SKAP2: variants seen among roughly 807,000 people sequenced by gnomAD.
SKAP2 encodes the protein src kinase associated phosphoprotein 2.
SKAP2 carries 28 observed loss-of-function variants against 54.9 expected under a neutral mutation model. The observed-to-expected ratio is 0.51, with a 90% CI of 0.38 to 0.70. SKAP2 has a LOEUF of 0.70. Among genes scored for constraint, SKAP2 ranks in the 30% least tolerant of loss-of-function variants. SKAP2 has a pLI of 0.00. For missense variants in SKAP2, 356 were observed against 424.1 expected (o/e 0.84, Z 1.41); for synonymous variants, 137 against 134.3 (o/e 1.02, Z -0.14).
rs1786180297 is a variant in SKAP2, at chr7:26,669,279, T to C, written c.*387A>G. 1 of 152,156 alleles carries C rather than the reference T, an allele frequency of 6.6e-6. No individual in the cohort carries two copies. Among genetic ancestry groups the C allele is most frequent in the African/African-American group, 2.4e-5 (1 of 41,456 alleles). The allele number at this position is 152,156 out of a possible 1,614,324, so 9.4% of individuals were successfully genotyped here. A position where few individuals can be genotyped will look rare whatever the true frequency, so the allele number is the denominator to read the frequency against. On this transcript the variant is annotated 3_prime_UTR_variant, in exon 13 of 13. Coordinates refer to ENST00000345317, the MANE Select transcript of SKAP2 (RefSeq NM_003930.5). Reference sequence around the variant, plus strand: ...GAAATTATACATTACTCTCTAAAAATAATTGATGTCCAATGATTAAGAAAC... The same window carrying C: ...GAAATTATACATTACTCTCTAAAAACAATTGATGTCCAATGATTAAGAAAC...
chr7:26,764,033 A>G (rs1562601728), intron 4 of SKAP2, among the ~76,000 whole-genome samples: 1 of 152,186 alleles, frequency 6.6e-6, no homozygotes. Flanking sequence ...TGATGTTTCC[A>G]GCCTTTTTTA....
At chr7:26,847,721 G>A (rs1784955234) in intron 3 of SKAP2, among the ~76,000 whole-genome samples, 1 of 152,166 alleles carries the variant, frequency 6.6e-6, no homozygotes, top group African/African-American at 2.4e-5. Context: ...GGTGCTGTGA[G>A]CCTGTGCCAC....
chr7:26,729,693 G>A (rs149911379), intron 6 of SKAP2, among the ~76,000 whole-genome samples: 65 of 152,166 alleles, frequency 4.3e-4, no homozygotes, highest in African/African-American at 1.4e-3. Context: ...TCAGCAGATA[G>A]AAAATAAGAA....
At chr7:26,770,528 G>A (rs911096956) in intron 4 of SKAP2, among the ~76,000 whole-genome samples, 47 of 152,112 alleles carry the variant, frequency 3.1e-4, no homozygotes, top group African/African-American at 1.1e-3. Context: ...CAGCTAGCTC[G>A]GTGTCTGCGC....
chr7:26,726,989 C>T lies in SKAP2; in HGVS notation c.487G>A (p.Glu163Lys). Reference protein sequence around the residue: ...GSDKDKQQKGEFAIDGYSVRM... With the variant: ...GSDKDKQQKGKFAIDGYSVRM... The stretch of plus-strand genomic sequence containing the variant: ...ACACTGTAGCCATCTATTGCAAATT[C>T]ACCTTTCTGTTGTTTGTCTGTTGAA... Residue 163 changes from glutamate to lysine, a missense_variant, in exon 7 of 13, where the codon GAA becomes AAA. Coordinates refer to ENST00000345317, the MANE Select transcript of SKAP2 (RefSeq NM_003930.5). 6.2e-7 allele frequency: 1 copy of T among 1,602,852 alleles called. No homozygotes were observed. The highest frequency in any genetic ancestry group is 1.3e-5 in the African/African-American group (1 of 74,410).
intron 10 of SKAP2, among the ~76,000 whole-genome samples, chr7:26,688,879 T>C (rs1786710411): frequency 6.6e-6 from 1 of 152,170 alleles, no homozygotes; most frequent in South Asian, 2.1e-4. Context: ...GAAAACTACA[T>C]ATTTTTGGCA....
At chr7:26,830,268 T>C (rs10241234) in intron 4 of SKAP2, among the ~76,000 whole-genome samples, 4 of 151,778 alleles carry the variant, frequency 2.6e-5, no homozygotes, top group Non-Finnish European at 4.4e-5. Flanking sequence ...AAACTGAGAG[T>C]GACTACTCAT....
chr7:26,715,402 G>C (rs1787407601), intron 9 of SKAP2, among the ~76,000 whole-genome samples: 1 of 148,328 alleles, frequency 6.7e-6, no homozygotes, highest in South Asian at 2.1e-4. Context: ...TTTTATCCTT[G>C]AATCATTGTA....
At chr7:26,840,402 T>C (rs1186568280) in intron 4 of SKAP2, among the ~76,000 whole-genome samples, 1 of 152,116 alleles carries the variant, frequency 6.6e-6, no homozygotes, top group Non-Finnish European at 1.5e-5. Flanking sequence ...GCTATATAGT[T>C]AGAAGCTTTC....
intron 4 of SKAP2, among the ~76,000 whole-genome samples, chr7:26,841,058 C>A (rs1784807365): frequency 6.6e-6 from 1 of 151,928 alleles, no homozygotes; most frequent in Non-Finnish European, 1.5e-5. Flanking sequence ...TTCCAATGTA[C>A]AACTCAAAAA....
At chr7:26,693,830 T>C (rs1786839599) in intron 9 of SKAP2, among the ~76,000 whole-genome samples, 2 of 152,126 alleles carry the variant, frequency 1.3e-5, no homozygotes, top group African/African-American at 4.8e-5. Context: ...ACAATACAAA[T>C]AGCTTCCATA....
chr7:26,846,300 T>C (rs908012863), intron 3 of SKAP2, among the ~76,000 whole-genome samples: 1 of 152,138 alleles, frequency 6.6e-6, no homozygotes, highest in Non-Finnish European at 1.5e-5. Flanking sequence ...AGCAAAGATT[T>C]TGAAAAAAAT....
At chr7:26,760,379 T>C (rs181596968) in intron 4 of SKAP2, among the ~76,000 whole-genome samples, 56 of 152,264 alleles carry the variant, frequency 3.7e-4, no homozygotes, top group African/African-American at 1.3e-3. Context: ...AACTACTTTA[T>C]ATATATAACT....
chr7:26,740,151 T>TAAAAAAA (rs60264987), intron 4 of SKAP2, among the ~76,000 whole-genome samples, 187 bp from the exon 5 acceptor site: 10 of 129,808 alleles, frequency 7.7e-5, no homozygotes, highest in Non-Finnish European at 1.3e-4. Flanking sequence ...GTCTCAAAAG[T>TAAAAAAA]AAAAAAAAAA....
intron 4 of SKAP2, among the ~76,000 whole-genome samples, chr7:26,799,011 G>C (rs1048833843): frequency 2.8e-5 from 4 of 140,550 alleles, no homozygotes; most frequent in East Asian, 2.4e-4. Context: ...AGGAAGAAAG[G>C]AAGGGAAGGA....
chr7:26,794,063 C>T (rs1351635275), intron 4 of SKAP2, among the ~76,000 whole-genome samples: 2 of 152,148 alleles, frequency 1.3e-5, no homozygotes, highest in Non-Finnish European at 2.9e-5. Context: ...AAATTAAAAG[C>T]AAACAAGAAA....
intron 9 of SKAP2, among the ~76,000 whole-genome samples, chr7:26,702,341 C>G (rs965553507): frequency 2.6e-5 from 4 of 152,044 alleles, no homozygotes; most frequent in African/African-American, 9.7e-5. Context: ...AGGGTTTTGC[C>G]ATGTTGCCCA....
Position 26,684,733 on chromosome 7 carries a change from T to C in SKAP2, c.987+3A>G, listed in dbSNP as rs1786591389. 1.3e-6 allele frequency: 2 copies of C among 1,591,114 alleles called. No homozygotes were observed. Among genetic ancestry groups the C allele is most frequent in the Non-Finnish European group, 1.7e-6 (2 of 1,159,716 alleles). ...CAAACGTCATTTTGGGGTATCTTCTTACCTTGCTAAGAATGTAAATCACAT... is the reference window on the plus strand; with the variant it reads ...CAAACGTCATTTTGGGGTATCTTCTCACCTTGCTAAGAATGTAAATCACAT... On this transcript the variant is annotated splice_donor_region_variant and intron_variant, in intron 11 of 12. Coordinates refer to ENST00000345317, the MANE Select transcript of SKAP2 (RefSeq NM_003930.5).
intron 4 of SKAP2, among the ~76,000 whole-genome samples, chr7:26,759,573 TA>T (rs751226411): frequency 6.6e-6 from 1 of 152,112 alleles, no homozygotes; most frequent in Non-Finnish European, 1.5e-5. Flanking sequence ...GCTGACAGGA[TA>T]AGCTCTACAA....
Sources: allele counts gnomAD v4.1 joint callset (sites outside exome capture counted in the v4.1 genomes callset), GRCh38; gene constraint gnomAD v4.1.1; transcripts MANE v1.5; gene names NCBI Gene and HGNC (gene_info 2026-07-23, HGNC 2026-07-21).